Variants in LDB2 observed in about 807,000 individuals in gnomAD.
LDB2 encodes LIM domain binding 2, also known as LIM domain-binding protein 2.
A neutral mutation model predicts 44.3 loss-of-function variants in LDB2; 12 were observed. The observed-to-expected ratio is 0.27, with a 90% confidence interval of 0.17 to 0.44. LDB2 has a LOEUF of 0.44. Ranked by LOEUF, LDB2 falls within the 20% of genes least tolerant of loss-of-function variation. The pLI, the probability that LDB2 is intolerant of heterozygous loss-of-function variation, is 1.00. For missense variants in LDB2, 344 were observed against 473.5 expected (o/e 0.73, Z 2.54); for synonymous variants, 164 against 174.8 (o/e 0.94, Z 0.49).
intron 1 of LDB2, among the ~76,000 whole-genome samples, chr4:16,781,227 G>A (rs1442979587): frequency 6.6e-6 from 1 of 152,216 alleles, no homozygotes; most frequent in African/African-American, 2.4e-5. Flanking sequence ...AGAGTGGGCA[G>A]CAAAGGATGT....
rs942770363 is a variant in LDB2, at chr4:16,732,922, G to T, written c.235+26236C>A. On this transcript the variant is annotated intron_variant, in intron 2 of 7. Coordinates refer to ENST00000304523, the MANE Select transcript of LDB2 (RefSeq NM_001290.5). ...TACCTAGCTACTGTTTCTCTGCATC[G>T]GCTGACTCTTTAAGGTCGGGGGAAA... Among the ~76,000 whole-genome samples, 3 of 152,196 alleles carry T rather than the reference G, an allele frequency of 2.0e-5. No individual in the cohort carries two copies. The East Asian group carries it at 5.8e-4, about 29-fold the overall frequency.
intron 2 of LDB2, among the ~76,000 whole-genome samples, chr4:16,618,179 G>T (rs1400594550): frequency 1.3e-5 from 2 of 152,124 alleles, no homozygotes; most frequent in African/African-American, 4.8e-5. Context: ...GGGAGGAGCA[G>T]GTTAAGATAA....
At chr4:16,604,197 G>A (rs906051626) in intron 2 of LDB2, among the ~76,000 whole-genome samples, 2 of 151,988 alleles carry the variant, frequency 1.3e-5, no homozygotes, top group African/African-American at 4.8e-5. Flanking sequence ...TTCTATATTT[G>A]GATACTTAAC....
intron 2 of LDB2, among the ~76,000 whole-genome samples, chr4:16,743,454 T>C (rs1225505179): frequency 6.6e-6 from 1 of 152,138 alleles, no homozygotes; most frequent in Non-Finnish European, 1.5e-5. Flanking sequence ...GTGACTATGA[T>C]GGGATATTAT....
At chr4:16,561,971 G>C (rs1742501456) in intron 5 of LDB2, among the ~76,000 whole-genome samples, 1 of 152,154 alleles carries the variant, frequency 6.6e-6, no homozygotes. Context: ...AATGGGGAAA[G>C]GATTCCCTAT....
rs531743036 is a variant in LDB2, at chr4:16,593,181, G to C, written c.408+2522C>G. ...TCATAAAAGCAACTCAGAACCACTGGGTCAAATGCTATTTGGGGAATGAGA... is the reference window on the plus strand; with the variant it reads ...TCATAAAAGCAACTCAGAACCACTGCGTCAAATGCTATTTGGGGAATGAGA... On this transcript the variant is annotated intron_variant, in intron 3 of 7. Transcript: ENST00000304523. 3.3e-5 allele frequency among the ~76,000 whole-genome samples: 5 copies of C among 152,156 alleles called. No individual in the cohort carries two copies. In the East Asian group the frequency reaches 9.7e-4, roughly 29 times the overall value.
At chr4:16,604,260 T>G (rs1010228909) in intron 2 of LDB2, among the ~76,000 whole-genome samples, 1 of 152,190 alleles carries the variant, frequency 6.6e-6, no homozygotes, top group Non-Finnish European at 1.5e-5. Context: ...AATGGAATTT[T>G]AAAACTTGTA....
chr4:16,735,035 G>C (rs187514841), intron 2 of LDB2, among the ~76,000 whole-genome samples: 1 of 152,068 alleles, frequency 6.6e-6, no homozygotes. Context: ...CTAAGGGCTC[G>C]GGTTGTGAAA....
At chr4:16,549,235 G>A (rs1439410227) in intron 5 of LDB2, among the ~76,000 whole-genome samples, 1 of 152,200 alleles carries the variant, frequency 6.6e-6, no homozygotes, top group African/African-American at 2.4e-5. Flanking sequence ...AGCACTCAGT[G>A]GTTTAGTGTT....
chr4:16,538,477 A>G (rs952226890), intron 5 of LDB2, among the ~76,000 whole-genome samples: 3 of 152,224 alleles, frequency 2.0e-5, no homozygotes, highest in African/African-American at 7.2e-5. Flanking sequence ...AGCAGAAGCT[A>G]GGAAGTGTTC....
At chr4:16,633,451 G>A (rs993545848) in intron 2 of LDB2, among the ~76,000 whole-genome samples, 2 of 151,984 alleles carry the variant, frequency 1.3e-5, no homozygotes, top group Admixed American at 6.6e-5. Context: ...AAAATCACAA[G>A]CATTCCTATA....
At chr4:16,800,299 A>T (rs1479153010) in intron 1 of LDB2, among the ~76,000 whole-genome samples, 1 of 152,204 alleles carries the variant, frequency 6.6e-6, no homozygotes, top group Non-Finnish European at 1.5e-5. Context: ...GTGTGTAGAC[A>T]TGCATTATTT....
At chr4:16,849,842 C>T (rs1414986689) in intron 1 of LDB2, among the ~76,000 whole-genome samples, 1 of 152,188 alleles carries the variant, frequency 6.6e-6, no homozygotes, top group African/African-American at 2.4e-5. Context: ...AGCTCTTAGC[C>T]TTACACCTGG....
chr4:16,545,216 T>TC (rs1351638722), intron 5 of LDB2, among the ~76,000 whole-genome samples: 1 of 151,160 alleles, frequency 6.6e-6, no homozygotes, highest in Non-Finnish European at 1.5e-5. Context: ...TTCTGTTTTT[T>TC]CCCCCCTCCC....
At chr4:16,879,876 A>G (rs7683130) in intron 1 of LDB2, among the ~76,000 whole-genome samples, 4,181 of 152,216 alleles carry the variant, frequency 0.027, 156 homozygotes, top group African/African-American at 0.088. Context: ...CCTCATTCAC[A>G]CTGCATTCTA....
intron 1 of LDB2, among the ~76,000 whole-genome samples, chr4:16,763,187 G>A (rs1334174615): frequency 2.6e-5 from 4 of 151,104 alleles, no homozygotes; most frequent in Non-Finnish European, 5.9e-5. Flanking sequence ...TAAGTTCATA[G>A]TGCCAGGCAT....
chr4:16,746,800 C>G (rs73241041), intron 2 of LDB2, among the ~76,000 whole-genome samples: 4 of 151,898 alleles, frequency 2.6e-5, no homozygotes, highest in Non-Finnish European at 5.9e-5. Context: ...AAATAAATAA[C>G]TAATTAAAAA....
intron 1 of LDB2, among the ~76,000 whole-genome samples, chr4:16,804,094 A>C (rs987766149): frequency 2.0e-4 from 30 of 152,144 alleles, no homozygotes; most frequent in Admixed American, 1.7e-3. Flanking sequence ...TAATTGATCC[A>C]TGTAAATGTG....
intron 1 of LDB2, among the ~76,000 whole-genome samples, chr4:16,862,572 G>T (rs551878323): frequency 3.3e-4 from 46 of 139,366 alleles, no homozygotes; most frequent in African/African-American, 1.2e-3. Flanking sequence ...AGTGGAGGTT[G>T]CAGTGAGCCG....
Sources: gnomAD v4.1 joint callset for allele counts (sites outside exome capture counted in the v4.1 genomes callset) on GRCh38, gnomAD v4.1.1 for gene constraint, MANE v1.5 for transcripts, NCBI Gene and HGNC (gene_info 2026-07-23, HGNC 2026-07-21) for gene names.